The following CLDN10 variants were observed in gnomAD, a reference collection of about 807,000 sequenced individuals.
CLDN10 encodes claudin 10, also known as claudin-10.
Under a neutral mutation model 22.9 loss-of-function variants are expected in CLDN10, and 15 were observed. The ratio of observed to expected loss-of-function variants is 0.65; its 90% CI spans 0.44 to 1.01. CLDN10 has a LOEUF of 1.01. Ranked by LOEUF, CLDN10 falls within the 50% of genes least tolerant of loss-of-function variation. The pLI is 0.00. For missense variants in CLDN10, 247 were observed against 287.8 expected (o/e 0.86, Z 1.03); for synonymous variants, 114 against 111.4 (o/e 1.02, Z -0.15).
intron 1 of CLDN10, among the ~76,000 whole-genome samples, chr13:95,502,506 G>T (rs1441338754): frequency 6.6e-6 from 1 of 151,926 alleles, no homozygotes; most frequent in Non-Finnish European, 1.5e-5. Flanking sequence ...TCTTGTTGTT[G>T]TGTTTTGTTT....
chr13:95,509,285 A>G (rs1042707101), intron 1 of CLDN10, among the ~76,000 whole-genome samples: 1 of 152,210 alleles, frequency 6.6e-6, no homozygotes, highest in Non-Finnish European at 1.5e-5. Flanking sequence ...TTTTGGAATA[A>G]GAGACTGTGA....
chr13:95,469,455 A>G (rs1041977266), intron 1 of CLDN10, among the ~76,000 whole-genome samples: 2 of 152,180 alleles, frequency 1.3e-5, no homozygotes, highest in African/African-American at 4.8e-5. Context: ...TTTTGTCTTT[A>G]GGAGGAAAAT....
At chr13:95,553,710 T>A (rs1270370855) in intron 1 of CLDN10, among the ~76,000 whole-genome samples, 1 of 152,244 alleles carries the variant, frequency 6.6e-6, no homozygotes, top group East Asian at 1.9e-4. Context: ...TGCATCCGAG[T>A]CCCCGGTGCC....
intron 1 of CLDN10, among the ~76,000 whole-genome samples, chr13:95,544,646 A>C (rs2043490449): frequency 6.6e-6 from 1 of 152,186 alleles, no homozygotes. Context: ...TTATGTTACT[A>C]TTCAGAAGTC....
chr13:95,497,065 G>C (rs1411686236), intron 1 of CLDN10: 2 of 151,940 alleles, frequency 1.3e-5, no homozygotes, highest in Non-Finnish European at 2.9e-5. Context: ...CTACCTCATA[G>C]AGTTGTTGTG....
At chr13:95,530,165 G>A (rs2138602770) in intron 1 of CLDN10, among the ~76,000 whole-genome samples, 1 of 152,168 alleles carries the variant, frequency 6.6e-6, no homozygotes, top group Middle Eastern at 3.4e-3. Context: ...ACTTTGACAG[G>A]GGGGAAATGG....
chr13:95,434,071 G>A (rs1196833874), intron 1 of CLDN10: 1 of 1,599,322 alleles, frequency 6.3e-7, no homozygotes, highest in African/African-American at 1.3e-5. Flanking sequence ...CTTTGTTTGG[G>A]GTGGAGGTAA....
intron 1 of CLDN10, among the ~76,000 whole-genome samples, chr13:95,494,381 A>G (rs942065087): frequency 6.6e-6 from 1 of 152,254 alleles, no homozygotes; most frequent in South Asian, 2.1e-4. Flanking sequence ...ATACAAACAC[A>G]GAAATTGAAA....
intron 1 of CLDN10, among the ~76,000 whole-genome samples, chr13:95,458,633 A>G (rs941154454): frequency 6.6e-6 from 1 of 152,148 alleles, no homozygotes; most frequent in Non-Finnish European, 1.5e-5. Context: ...CCATGATTCA[A>G]TTACCTCCAC....
Position 95,480,372 on chromosome 13 carries a change from G to C in CLDN10, c.214+46325G>C, listed in dbSNP as rs1023125359. Among the ~76,000 whole-genome samples, 8 of 152,208 alleles carry C rather than the reference G, an allele frequency of 5.3e-5. No homozygotes were observed. In the South Asian group the frequency reaches 1.2e-3, roughly 24 times the overall value. On this transcript the variant is annotated intron_variant, in intron 1 of 4. Coordinates refer to the CLDN10 transcript ENST00000376873. ...AGTCTCTGAAGGCCCTGTATTAGAG[G>C]AGAATGCCCTTGCCCAATCCTGGCA...
intron 1 of CLDN10, among the ~76,000 whole-genome samples, chr13:95,451,796 T>C (rs944949173): frequency 3.9e-5 from 6 of 152,124 alleles, no homozygotes; most frequent in African/African-American, 9.7e-5. Context: ...ATTTGTTGAG[T>C]TGAATGAGTG....
At chr13:95,523,935 A>T (rs1219493016) in intron 1 of CLDN10, among the ~76,000 whole-genome samples, 1 of 152,298 alleles carries the variant, frequency 6.6e-6, no homozygotes, top group South Asian at 2.1e-4. Context: ...TCTCCTGGGG[A>T]GCAAAATTAC....
chr13:95,532,851 T>C (rs763857104), intron 1 of CLDN10, among the ~76,000 whole-genome samples: 34 of 137,946 alleles, frequency 2.5e-4, no homozygotes, highest in Non-Finnish European at 2.2e-4. Flanking sequence ...ACAACATAGA[T>C]GAGTCTTAAA....
At chr13:95,566,496 A>G (rs1360145567) in intron 3 of CLDN10, among the ~76,000 whole-genome samples, 1 of 151,978 alleles carries the variant, frequency 6.6e-6, no homozygotes, top group Non-Finnish European at 1.5e-5. Context: ...AATTTGTTTG[A>G]GTTCATTGTA....
intron 1 of CLDN10, among the ~76,000 whole-genome samples, chr13:95,440,100 G>A (rs549005442): frequency 1.2e-4 from 18 of 151,748 alleles, no homozygotes; most frequent in Non-Finnish European, 1.6e-4. Context: ...TTTTAGTAGA[G>A]GTGCGGTTTC....
intron 1 of CLDN10, among the ~76,000 whole-genome samples, chr13:95,468,345 G>A (rs2042599122): frequency 6.6e-6 from 1 of 152,120 alleles, no homozygotes; most frequent in South Asian, 2.1e-4. Flanking sequence ...TGGCTGATAT[G>A]ACAAGATGTT....
intron 1 of CLDN10, among the ~76,000 whole-genome samples, chr13:95,484,198 C>T (rs919453500): frequency 6.6e-6 from 1 of 152,204 alleles, no homozygotes; most frequent in Non-Finnish European, 1.5e-5. Context: ...CAGCTCTCTG[C>T]AGCTCAGTCA....
intron 1 of CLDN10, among the ~76,000 whole-genome samples, chr13:95,475,509 ACTG>A (rs2042677250): frequency 6.6e-6 from 1 of 152,188 alleles, no homozygotes; most frequent in Non-Finnish European, 1.5e-5. Flanking sequence ...AGCTGTGCTG[ACTG>A]AGCACTGGCC....
chr13:95,496,743 G>A (rs1270526935), intron 1 of CLDN10, among the ~76,000 whole-genome samples: 1 of 152,198 alleles, frequency 6.6e-6, no homozygotes, highest in Non-Finnish European at 1.5e-5. Flanking sequence ...ATGACCTCAT[G>A]TAAACCTAAT....
Sources: gnomAD v4.1 joint callset for allele counts (sites outside exome capture counted in the v4.1 genomes callset) on GRCh38, gnomAD v4.1.1 for gene constraint, MANE v1.5 for transcripts, NCBI Gene and HGNC (gene_info 2026-07-23, HGNC 2026-07-21) for gene names.